The following C1orf141 variants were observed in gnomAD, a reference collection of about 807,000 sequenced individuals.
C1orf141 encodes the protein uncharacterized protein C1orf141.
In C1orf141, 19 loss-of-function variants were observed where a neutral mutation model predicts 23.2. The ratio of observed to expected loss-of-function variants is 0.82; its 90% CI spans 0.57 to 1.20. C1orf141 has a LOEUF of 1.20. Among genes scored for constraint, C1orf141 ranks in the 50% most tolerant of loss-of-function variants. The pLI, the probability that C1orf141 is intolerant of heterozygous loss-of-function variation, is 0.00. For missense variants in C1orf141, 469 were observed against 455.1 expected, an observed-to-expected ratio of 1.03 and a Z score of -0.28; for synonymous variants, 153 against 154.6, an observed-to-expected ratio of 0.99 and a Z score of 0.08.
upstream of C1orf141, among the ~76,000 whole-genome samples, chr1:67,136,591 AT>A (rs1420836520): frequency 5.9e-5 from 9 of 152,220 alleles, no homozygotes; most frequent in African/African-American, 2.2e-4. Flanking sequence ...TTCTTAGAAT[AT>A]TATCATTATC....
chr1:67,108,027 G>A (rs1426699239), intron 5 of C1orf141, among the ~76,000 whole-genome samples: 2 of 152,126 alleles, frequency 1.3e-5, no homozygotes, highest in Non-Finnish European at 2.9e-5. Flanking sequence ...AGAACAGTTA[G>A]GTTTTCATTC....
chr1:67,124,881 T>C (rs1646374403), intron 4 of C1orf141, among the ~76,000 whole-genome samples: 1 of 152,110 alleles, frequency 6.6e-6, no homozygotes, highest in Non-Finnish European at 1.5e-5. Flanking sequence ...GGAAAACTTG[T>C]TACCCAGAAT....
At chr1:67,108,584 T>C (rs1645988667) in intron 5 of C1orf141, among the ~76,000 whole-genome samples, 1 of 152,058 alleles carries the variant, frequency 6.6e-6, no homozygotes, top group African/African-American at 2.4e-5. Context: ...AAAAATCAGC[T>C]GGGCATGGTG....
intron 1 of C1orf141, 39 bp from the exon 2 acceptor site, chr1:67,131,266 T>C (rs1168952199): frequency 1.3e-5 from 2 of 151,714 alleles, no homozygotes; most frequent in Middle Eastern, 3.4e-3. Flanking sequence ...GAAAAGAAAA[T>C]TAGCTGGGCA....
rs770377918 is a variant in C1orf141, at chr1:67,095,343, C to T, written c.495G>A (p.Arg165=). Residue 165 remains arginine (R), a synonymous_variant, in exon 7 of 8, where the codon AGG becomes AGA. Coordinates refer to ENST00000684719, the MANE Select transcript of C1orf141 (RefSeq NM_001276351.2). Reference sequence around the variant, plus strand: ...GGAGCAAGCTTTTCTTTCTTACTGACCTATACTTACTTAATTGATAATTTC... The same window carrying T: ...GGAGCAAGCTTTTCTTTCTTACTGATCTATACTTACTTAATTGATAATTTC... ...SVRNYQLSKY[R]SVRKKSLLPL... is the part of the protein sequence containing the mutation. The T allele has an allele frequency of 6.3e-6, 10 of 1,583,146 alleles. No homozygotes were observed. The South Asian group carries it at 1.0e-4, about 16-fold the overall frequency.
At chr1:67,109,094 G>A (rs1050142825) in intron 5 of C1orf141, among the ~76,000 whole-genome samples, 22 of 152,016 alleles carry the variant, frequency 1.4e-4, no homozygotes, top group African/African-American at 5.1e-4. Flanking sequence ...TTGTGAGGCC[G>A]AGGCAGGCGG....
chr1:67,137,934 C>A (rs1224586472), upstream of C1orf141, among the ~76,000 whole-genome samples: 1 of 152,152 alleles, frequency 6.6e-6, no homozygotes, highest in Non-Finnish European at 1.5e-5. Flanking sequence ...TTTCCCTTGC[C>A]CTACACAAAC....
At chr1:67,131,448 G>A (rs1646514434) in intron 1 of C1orf141, among the ~76,000 whole-genome samples, 1 of 152,044 alleles carries the variant, frequency 6.6e-6, no homozygotes, top group Non-Finnish European at 1.5e-5. Context: ...AATGCCATCA[G>A]AGCTGTCTTT....
intron 1 of C1orf141, among the ~76,000 whole-genome samples, chr1:67,140,011 C>T (rs894410564): frequency 6.6e-6 from 1 of 152,148 alleles, no homozygotes; most frequent in South Asian, 2.1e-4. Flanking sequence ...CCATGTGATG[C>T]CCTGTGCCAC....
chr1:67,096,728 T>C (rs1426725244), intron 5 of C1orf141, among the ~76,000 whole-genome samples: 1 of 152,248 alleles, frequency 6.6e-6, no homozygotes. Flanking sequence ...TCATCCAAGG[T>C]TGATCTCTTC....
At chr1:67,126,818 C>T (rs193286893) in intron 3 of C1orf141, among the ~76,000 whole-genome samples, 98 of 152,358 alleles carry the variant, frequency 6.4e-4, no homozygotes, top group African/African-American at 2.3e-3. Context: ...CACCAGCAAT[C>T]ACACTCTCAC....
Position 67,125,926 on chromosome 1 carries a change from G to GT in C1orf141, c.76-18dup. 2.3e-4 allele frequency: 145 copies of GT among 619,784 alleles called. No individual in the cohort carries two copies. The highest frequency in any genetic ancestry group is 2.7e-4 in the Non-Finnish European group (129 of 477,960). 38.4% of individuals were successfully genotyped at this position (619,784 alleles called of 1,614,324 possible). ...CCTGTTTATCTGCAGCAATGCCAAA[G>GT]TGAAAAAAAAAAAAAAAAAAAGAGT... On this transcript the variant is annotated splice_polypyrimidine_tract_variant and intron_variant, in intron 3 of 7. Transcript: ENST00000684719.
chr1:67,132,686 G>A (rs1444627590), intron 1 of C1orf141, among the ~76,000 whole-genome samples: 2 of 152,174 alleles, frequency 1.3e-5, no homozygotes, highest in Middle Eastern at 6.3e-3. Flanking sequence ...AGATGTCTCT[G>A]AATATAAATT....
intron 4 of C1orf141, chr1:67,122,399 T>C (rs1646317448): frequency 6.6e-6 from 1 of 152,234 alleles, no homozygotes; most frequent in Non-Finnish European, 1.5e-5. Context: ...ACTAACATTT[T>C]ATTTTATATT....
At chr1:67,095,581 T>C (rs1457679824) in intron 6 of C1orf141, 160 bp from the exon 7 acceptor site, 3 of 532,382 alleles carry the variant, frequency 5.6e-6, no homozygotes, top group Non-Finnish European at 9.8e-6. Context: ...CCTGCCTGGT[T>C]TGTGGGAGAA....
chr1:67,133,714 C>T (rs1450681414), intron 1 of C1orf141, among the ~76,000 whole-genome samples: 2 of 152,046 alleles, frequency 1.3e-5, no homozygotes, highest in Non-Finnish European at 2.9e-5. Flanking sequence ...GAGATTGGGA[C>T]ACCGAGGATA....
chr1:67,123,554 T>A (rs1646343053), intron 4 of C1orf141: 1 of 152,094 alleles, frequency 6.6e-6, no homozygotes, highest in African/African-American at 2.4e-5. Flanking sequence ...CAGATAGAAT[T>A]GTAGGATAGA....
intron 5 of C1orf141, among the ~76,000 whole-genome samples, chr1:67,113,025 G>T (rs1208437711): frequency 6.6e-6 from 1 of 152,202 alleles, no homozygotes; most frequent in African/African-American, 2.4e-5. Flanking sequence ...TGTCGCCCAG[G>T]CTGGAGTGCA....
intron 4 of C1orf141, among the ~76,000 whole-genome samples, chr1:67,116,498 G>A (rs547891161): frequency 4.6e-5 from 7 of 151,652 alleles, no homozygotes; most frequent in African/African-American, 9.7e-5. Flanking sequence ...CATTCTCTTC[G>A]CAATACAGCC....
Sources: gnomAD v4.1 joint callset for allele counts (sites outside exome capture counted in the v4.1 genomes callset) on GRCh38, gnomAD v4.1.1 for gene constraint, MANE v1.5 for transcripts, NCBI Gene and HGNC (gene_info 2026-07-23, HGNC 2026-07-21) for gene names.